The following KCTD3 variants were observed in gnomAD, a reference collection of about 807,000 sequenced individuals.
The protein encoded by KCTD3 is potassium channel tetramerization domain containing 3.
In KCTD3, 41 loss-of-function variants were observed where a neutral mutation model predicts 85.8. That is an observed-to-expected ratio of 0.48 (90% CI 0.37 to 0.62). The LOEUF is 0.62. Among genes scored for constraint, KCTD3 ranks in the 20% least tolerant of loss-of-function variants. The pLI is 0.00. For synonymous variants in KCTD3, 338 were observed against 345.4 expected, an observed-to-expected ratio of 0.98 and a Z score of 0.24; for missense variants, 724 against 989.9, an observed-to-expected ratio of 0.73 and a Z score of 3.60.
rs113623083 is a variant in KCTD3 at position 215,609,217 on chromosome 1, A to G, written c.1465+1045A>G. Among the ~76,000 whole-genome samples, 6 of 152,114 alleles carry G rather than the reference A, an allele frequency of 3.9e-5. 1 individual carries two copies. Among genetic ancestry groups the G allele is most frequent in the African/African-American group, 1.4e-4 (6 of 41,550 alleles). ...GCTGACATTCAGACAGAGAACACAC[A>G]GAGGTTTTAATGTTTGAACTGATAC... On this transcript the variant is annotated intron_variant, in intron 14 of 17. Transcript: ENST00000259154.
chr1:215,601,191 C>CCTCCCGAAGTGCTGGGATTATAGGCATG (rs1301352795), intron 10 of KCTD3, among the ~76,000 whole-genome samples: 2 of 151,496 alleles, frequency 1.3e-5, no homozygotes, highest in South Asian at 2.1e-4. Context: ...CCTGCCTCGG[C>CCTCCCGAAGTGCTGGGATTATAGGCATG]AGGTTTCTTT....
intron 1 of KCTD3, among the ~76,000 whole-genome samples, chr1:215,571,040 A>C (rs1422382240): frequency 1.3e-5 from 2 of 152,214 alleles, no homozygotes; most frequent in Middle Eastern, 3.2e-3. Context: ...ACCTTTCCCC[A>C]AAATGCTGAT....
In KCTD3 at chr1:215,618,971, A is replaced by G; in HGVS notation, c.1648A>G (p.Arg550Gly). The G allele has an allele frequency of 6.2e-7, 1 of 1,613,980 alleles. No individual in the cohort carries two copies. Among genetic ancestry groups the G allele is most frequent in the Non-Finnish European group, 8.5e-7 (1 of 1,179,894 alleles). ...TGAGGGATCCAGTAGGATGGGCTCA[A>G]GACCAAGGCGCTACTTGTTCACAGG... ...ECEGSSRMGS[R>G]PRRYLFTGHT... Residue 550 changes from arginine (R) to glycine (G), a missense_variant, in exon 16 of 18, where the codon AGA (arginine) becomes GGA (glycine). Transcript: ENST00000259154.
chr1:215,602,236 T>G (rs1654859547), intron 12 of KCTD3, 35 bp downstream of exon 12: 2 of 1,014,836 alleles, frequency 2.0e-6, no homozygotes, highest in Non-Finnish European at 3.0e-6. Context: ...ATTCTTGACT[T>G]TTTATCTTTT....
intron 15 of KCTD3, among the ~76,000 whole-genome samples, chr1:215,616,214 T>C (rs1043227909): frequency 2.0e-5 from 3 of 152,196 alleles, no homozygotes; most frequent in Non-Finnish European, 2.9e-5. Context: ...CAAATGTTGA[T>C]TTGTTTTATT....
intron 8 of KCTD3, 77 bp from the exon 9 acceptor site, chr1:215,586,417 GT>G (rs1465884284): frequency 8.0e-6 from 9 of 1,122,050 alleles, no homozygotes; most frequent in East Asian, 2.5e-5. Flanking sequence ...GTTGTTTTTT[GT>G]TTTTGGTGCA....
intron 9 of KCTD3, among the ~76,000 whole-genome samples, chr1:215,589,247 A>G (rs1215552264): frequency 6.6e-6 from 1 of 151,942 alleles, no homozygotes; most frequent in Non-Finnish European, 1.5e-5. Context: ...GCACTCAAGC[A>G]GTCCCCCCAC....
At chr1:215,609,647 G>A (rs1419473132) in intron 14 of KCTD3, among the ~76,000 whole-genome samples, 1 of 151,928 alleles carries the variant, frequency 6.6e-6, no homozygotes, top group East Asian at 1.9e-4. Context: ...AAAGTGCATG[G>A]TGGTCATTGA....
intron 9 of KCTD3, among the ~76,000 whole-genome samples, chr1:215,594,129 G>A (rs1209695952): frequency 2.6e-5 from 4 of 152,026 alleles, no homozygotes; most frequent in Admixed American, 2.6e-4. Flanking sequence ...CAAAGTGCTG[G>A]GATTGCAGGC....
chr1:215,604,095 C>T, intron 12 of KCTD3, 37 bp from the exon 13 acceptor site: 1 of 1,503,254 alleles, frequency 6.7e-7, no homozygotes, highest in African/African-American at 1.4e-5. Flanking sequence ...ATTATCGTTC[C>T]ATAATGTATC....
chr1:215,582,496 T>G (rs776831426), intron 8 of KCTD3, among the ~76,000 whole-genome samples: 1 of 152,180 alleles, frequency 6.6e-6, no homozygotes, highest in South Asian at 2.1e-4. Flanking sequence ...GATGGAGAGG[T>G]GAAATAACAG....
chr1:215,586,073 A>C (rs1323926669), intron 8 of KCTD3, among the ~76,000 whole-genome samples: 1 of 152,210 alleles, frequency 6.6e-6, no homozygotes, highest in Admixed American at 6.5e-5. Flanking sequence ...AGGAATAATA[A>C]TTCTGAAATT....
chr1:215,615,391 C>T (rs1359458133), intron 15 of KCTD3, among the ~76,000 whole-genome samples: 3 of 152,010 alleles, frequency 2.0e-5, no homozygotes, highest in South Asian at 2.1e-4. Flanking sequence ...GAGGCCGAGG[C>T]GGGCAGATCA....
At position 215,573,916 on chromosome 1, in the gene KCTD3, T is replaced by G. The variant is rs1357404683; in HGVS notation, c.137+77T>G. On this transcript the variant is annotated intron_variant, in intron 2 of 17. Coordinates refer to ENST00000259154, the MANE Select transcript of KCTD3 (RefSeq NM_016121.5). ...TATAATAATGTTTGTCAGTTAAATTTTTTTTAATAAAAAAGGTTAACTCTT... is the reference window on the plus strand; with the variant it reads ...TATAATAATGTTTGTCAGTTAAATTGTTTTTAATAAAAAAGGTTAACTCTT... 5.4e-6 allele frequency: 6 copies of G among 1,102,458 alleles called. No homozygotes were observed. The Admixed American group carries it at 1.4e-4, about 26-fold the overall frequency. 68.3% of individuals were successfully genotyped at this position (1,102,458 alleles called of 1,614,324 possible).
At chr1:215,606,510 C>A (rs1655026668) in intron 13 of KCTD3, among the ~76,000 whole-genome samples, 1 of 152,008 alleles carries the variant, frequency 6.6e-6, no homozygotes, top group Admixed American at 6.6e-5. Context: ...CAATTCAGTT[C>A]TCTGAGAAAA....
chr1:215,611,973 C>G, intron 15 of KCTD3, 52 bp downstream of exon 15: 2 of 1,187,738 alleles, frequency 1.7e-6, no homozygotes, highest in Non-Finnish European at 2.5e-6. Context: ...TTTTGTCTTA[C>G]AAAACATATG....
In KCTD3 at chr1:215,573,822, A is replaced by C; in HGVS notation, c.120A>C (p.Pro40=). The change falls in exon 2 of 18, where the codon CCA becomes CCC. Residue 40 remains proline, a synonymous_variant. Coordinates refer to ENST00000259154, the MANE Select transcript of KCTD3 (RefSeq NM_016121.5). ...STSRQTLMWI[P]DSFFSSLLSG... is the part of the protein sequence containing the mutation. ...CAAGACAAACTCTTATGTGGATTCCAGATTCTTTTTTTTCCAGGTATGTCT... is the reference window on the plus strand; with the variant it reads ...CAAGACAAACTCTTATGTGGATTCCCGATTCTTTTTTTTCCAGGTATGTCT... The C allele has an allele frequency of 6.4e-7, 1 of 1,572,594 alleles. No individual in the cohort carries two copies. Among genetic ancestry groups the C allele is most frequent in the Non-Finnish European group, 8.7e-7 (1 of 1,148,120 alleles).
intron 7 of KCTD3, among the ~76,000 whole-genome samples, chr1:215,579,443 T>C (rs530802142): frequency 6.6e-6 from 1 of 152,242 alleles, no homozygotes; most frequent in East Asian, 1.9e-4. Context: ...CATTGTAGCA[T>C]GAACACATAA....
Position 215,595,598 on chromosome 1 carries a change from T to C in KCTD3, c.933+127T>C, listed in dbSNP as rs1047529122. On this transcript the variant is annotated intron_variant, in intron 10 of 17. Coordinates refer to ENST00000259154, the MANE Select transcript of KCTD3 (RefSeq NM_016121.5). The stretch of plus-strand genomic sequence containing the variant: ...TTATACAAATATTGAATAAATGTAG[T>C]GGTAAATTTTTTTGCTAGATGCATA... 3 of 590,534 alleles carry C rather than the reference T, an allele frequency of 5.1e-6. No individual in the cohort carries two copies. The Admixed American group carries it at 9.5e-5, about 19-fold the overall frequency. 36.6% of individuals were successfully genotyped at this position (590,534 alleles called of 1,614,324 possible).
Sources: gnomAD v4.1 joint callset for allele counts (sites outside exome capture counted in the v4.1 genomes callset) on GRCh38, gnomAD v4.1.1 for gene constraint, MANE v1.5 for transcripts, NCBI Gene and HGNC (gene_info 2026-07-23, HGNC 2026-07-21) for gene names.